CNTNAP4: variants seen among roughly 807,000 people sequenced by gnomAD.
CNTNAP4 encodes contactin associated protein family member 4.
In CNTNAP4, 98 loss-of-function variants were observed where a neutral mutation model predicts 148.4. The ratio of observed to expected loss-of-function variants is 0.66; its 90% CI spans 0.56 to 0.78. CNTNAP4 has a LOEUF of 0.78. Among genes scored for constraint, CNTNAP4 ranks in the 30% least tolerant of loss-of-function variants. The pLI is 0.00. For missense variants in CNTNAP4, 1,935 were observed against 1,565.6 expected, an observed-to-expected ratio of 1.24 and a Z score of -3.98; for synonymous variants, 730 against 565.1, an observed-to-expected ratio of 1.29 and a Z score of -4.14.
At chr16:76,309,912 T>G in intron 1 of CNTNAP4, 1 of 701,908 alleles carries the variant, frequency 1.4e-6, no homozygotes, top group Non-Finnish European at 2.6e-6. Flanking sequence ...GAACTGTGAG[T>G]CCGGTTAAGT....
intron 1 of CNTNAP4, among the ~76,000 whole-genome samples, chr16:76,286,213 G>GTT (rs1958877814): frequency 6.7e-6 from 1 of 148,676 alleles, no homozygotes; most frequent in Non-Finnish European, 1.5e-5. Context: ...GTGTGTGTGT[G>GTT]TGTGTGAAGA....
In CNTNAP4 at chr16:76,495,015, A is replaced by G. The variant is rs2082353266; in HGVS notation, c.2186A>G (p.Asn729Ser). Residue 729 changes from asparagine (N) to serine (S), a missense_variant, in exon 14 of 24, where the codon AAC (asparagine) becomes AGC (serine). Asn to Ser is a conservative substitution (Grantham distance 46). Coordinates refer to ENST00000611870, the MANE Select transcript of CNTNAP4 (RefSeq NM_033401.5). ...LQKCTCGLEG[N>S]CIDSQYYCNC... is the part of the protein sequence containing the mutation. ...AAATGTACTTGTGGATTAGAGGGAA[A>G]CTGCATTGATTCTCAGTATTACTGC... The G allele has an allele frequency of 6.2e-7, 1 of 1,613,452 alleles. No individual in the cohort carries two copies. Among genetic ancestry groups the G allele is most frequent in the Non-Finnish European group, 8.5e-7 (1 of 1,179,596 alleles).
At chr16:76,547,817 G>C (rs1381048124) in intron 21 of CNTNAP4, among the ~76,000 whole-genome samples, 1 of 152,188 alleles carries the variant, frequency 6.6e-6, no homozygotes, top group Non-Finnish European at 1.5e-5. Context: ...TAAATAAAAT[G>C]TGTGGTCTGA....
At chr16:76,459,820 C>G (rs1040629593) in intron 8 of CNTNAP4, among the ~76,000 whole-genome samples, 3 of 152,116 alleles carry the variant, frequency 2.0e-5, no homozygotes, top group Non-Finnish European at 4.4e-5. Context: ...TTAGATTTCA[C>G]CTCTGCTCAA....
chr16:76,365,902 TACAA>T (rs1403013739), intron 3 of CNTNAP4, among the ~76,000 whole-genome samples: 2 of 152,114 alleles, frequency 1.3e-5, no homozygotes, highest in Non-Finnish European at 2.9e-5. Context: ...GTAAAAGAAA[TACAA>T]ACGCCATTTG....
intron 4 of CNTNAP4, among the ~76,000 whole-genome samples, chr16:76,429,075 A>G (rs1214142846): frequency 6.6e-6 from 1 of 152,184 alleles, no homozygotes; most frequent in Non-Finnish European, 1.5e-5. Flanking sequence ...GTCAGTGGCC[A>G]ACTAACCTCT....
chr16:76,429,704 G>T (rs2079544680), intron 4 of CNTNAP4, among the ~76,000 whole-genome samples: 1 of 152,106 alleles, frequency 6.6e-6, no homozygotes, highest in South Asian at 2.1e-4. Context: ...CTGCTGCTCT[G>T]TGGCTAATGA....
intron 15 of CNTNAP4, 58 bp from the exon 16 acceptor site, chr16:76,521,082 A>C: frequency 1.4e-6 from 2 of 1,438,348 alleles, no homozygotes; most frequent in Non-Finnish European, 1.9e-6. Flanking sequence ...CATTCATTTT[A>C]TTTCATGAAT....
chr16:76,426,294 C>A (rs780537877), intron 3 of CNTNAP4, among the ~76,000 whole-genome samples: 1 of 152,108 alleles, frequency 6.6e-6, no homozygotes, highest in Non-Finnish European at 1.5e-5. Flanking sequence ...TGATCAGATA[C>A]CCTGGGTATT....
At chr16:76,456,508 G>C (rs1169034034) in intron 8 of CNTNAP4, among the ~76,000 whole-genome samples, 4 of 152,184 alleles carry the variant, frequency 2.6e-5, no homozygotes, top group Non-Finnish European at 5.9e-5. Flanking sequence ...CCTTGCTTCT[G>C]TCTGTGTTTA....
At chr16:76,358,715 G>A (rs554554769) in intron 3 of CNTNAP4, among the ~76,000 whole-genome samples, 94 of 152,278 alleles carry the variant, frequency 6.2e-4, no homozygotes, top group Middle Eastern at 6.8e-3. Flanking sequence ...GGCAAAGAAA[G>A]TTGACAGATA....
At chr16:76,359,284 C>T (rs1358726367) in intron 3 of CNTNAP4, among the ~76,000 whole-genome samples, 1 of 152,058 alleles carries the variant, frequency 6.6e-6, no homozygotes, top group East Asian at 1.9e-4. Flanking sequence ...CCACATGATG[C>T]AAATAAGTCT....
chr16:76,465,333 G>A (rs993132694), intron 9 of CNTNAP4, among the ~76,000 whole-genome samples: 1 of 152,128 alleles, frequency 6.6e-6, no homozygotes, highest in Non-Finnish European at 1.5e-5. Flanking sequence ...AGACTAATGA[G>A]GCTAACCTGG....
chr16:76,320,724 T>G (rs1210232423), intron 2 of CNTNAP4, among the ~76,000 whole-genome samples: 1 of 152,172 alleles, frequency 6.6e-6, no homozygotes, highest in Admixed American at 6.5e-5. Flanking sequence ...AAATGTGTCC[T>G]TAGTACATTT....
chr16:76,337,802 C>G (rs1439658983), intron 2 of CNTNAP4, among the ~76,000 whole-genome samples: 1 of 152,116 alleles, frequency 6.6e-6, no homozygotes, highest in African/African-American at 2.4e-5. Flanking sequence ...CATTCCTTCC[C>G]CAGGGTTCTT....
chr16:76,290,020 T>C (rs150896853), intron 1 of CNTNAP4, among the ~76,000 whole-genome samples: 12 of 152,362 alleles, frequency 7.9e-5, no homozygotes, highest in African/African-American at 2.6e-4. Flanking sequence ...TAACTTTTCA[T>C]GCATGTTGAC....
chr16:76,292,838 A>G (rs1403248386), intron 1 of CNTNAP4, among the ~76,000 whole-genome samples: 1 of 152,224 alleles, frequency 6.6e-6, no homozygotes, highest in Non-Finnish European at 1.5e-5. Flanking sequence ...GAAAAAGAAA[A>G]CACTTCAGAT....
chr16:76,333,779 GTTTTTTTTTTT>G (rs549878036), intron 2 of CNTNAP4, among the ~76,000 whole-genome samples: 3 of 45,606 alleles, frequency 6.6e-5, no homozygotes, highest in African/African-American at 1.5e-4. Flanking sequence ...TGGGTTATAG[GTTTTTTTTTTT>G]TTTTTTTTTT....
intron 8 of CNTNAP4, 117 bp from the exon 9 acceptor site, chr16:76,461,839 A>G (rs1447457936): frequency 2.6e-6 from 2 of 759,832 alleles, no homozygotes; most frequent in African/African-American, 3.5e-5. Flanking sequence ...ATTGTTTTTA[A>G]TTAATAATAG....
Sources: allele counts gnomAD v4.1 joint callset (sites outside exome capture counted in the v4.1 genomes callset), GRCh38; gene constraint gnomAD v4.1.1; transcripts MANE v1.5; gene names NCBI Gene and HGNC (gene_info 2026-07-23, HGNC 2026-07-21).